Variants in SRGAP2 observed in about 807,000 individuals in gnomAD.
SRGAP2 encodes SLIT-ROBO Rho GTPase activating protein 2.
SRGAP2 carries 15 observed loss-of-function variants against 57.2 expected under a neutral mutation model. The observed-to-expected ratio is 0.26, with a 90% CI of 0.18 to 0.40. The LOEUF is 0.40. Ranked by LOEUF, SRGAP2 falls within the 10% of genes least tolerant of loss-of-function variation. The probability of loss-of-function intolerance (pLI) is 1.00; values close to 1 mark genes in which losing one functional copy is unlikely to be tolerated. For synonymous variants in SRGAP2, 249 were observed against 248.0 expected, an observed-to-expected ratio of 1.00 and a Z score of -0.04; for missense variants, 520 against 669.6, an observed-to-expected ratio of 0.78 and a Z score of 2.47.
intron 13 of SRGAP2, 57 bp downstream of exon 13, chr1:206,421,331 G>T (rs1660286472): frequency 1.4e-6 from 1 of 740,146 alleles, no homozygotes; most frequent in Non-Finnish European, 2.5e-6. Flanking sequence ...CCATCCCACA[G>T]GCATTTATTG....
intron 4 of SRGAP2, among the ~76,000 whole-genome samples, chr1:206,355,989 T>A (rs1676402871): frequency 6.7e-6 from 1 of 148,206 alleles, no homozygotes; most frequent in Non-Finnish European, 1.5e-5. Flanking sequence ...AATAAATAAA[T>A]AAAATAAAAA....
intron 2 of SRGAP2, among the ~76,000 whole-genome samples, chr1:206,213,601 A>T (rs1666450797): frequency 6.6e-6 from 1 of 151,734 alleles, no homozygotes; most frequent in Admixed American, 6.6e-5. Context: ...TTAGGAGTGG[A>T]CAAATGACAG....
chr1:206,354,157 CTT>C (rs1354881213), intron 4 of SRGAP2, among the ~76,000 whole-genome samples: 2 of 152,064 alleles, frequency 1.3e-5, no homozygotes, highest in African/African-American at 2.4e-5. Context: ...TGATTTTCCT[CTT>C]GACTTTTTTT....
chr1:206,310,921 G>A (rs1417142144), intron 3 of SRGAP2, among the ~76,000 whole-genome samples: 2 of 149,650 alleles, frequency 1.3e-5, no homozygotes, highest in South Asian at 4.4e-4. Flanking sequence ...TCTCTCTGAT[G>A]TCATAGTCTA....
At chr1:206,423,076 T>G (rs557808326) in intron 13 of SRGAP2, among the ~76,000 whole-genome samples, 210 of 152,342 alleles carry the variant, frequency 1.4e-3, no homozygotes, top group Non-Finnish European at 2.1e-3. Flanking sequence ...TTTTTGTTTT[T>G]GAGGGTCTTT....
intron 3 of SRGAP2, among the ~76,000 whole-genome samples, chr1:206,319,417 A>C (rs1358069271): frequency 4.6e-5 from 7 of 151,382 alleles, no homozygotes; most frequent in East Asian, 1.9e-4. Flanking sequence ...TCTCAAAAAA[A>C]AACAACAACA....
At position 206,309,707 on chromosome 1, in the gene SRGAP2, G is replaced by A. The variant is rs1317393244; in HGVS notation, c.260+6234G>A. On this transcript the variant is annotated intron_variant, in intron 3 of 22. Transcript: ENST00000573034. ...CTACTTTGAACGTTTTGGGTGTAGA[G>A]CAGTACGAGGCCATCAGGTATCCAG... Among the ~76,000 whole-genome samples, 9 of 151,930 alleles carry A rather than the reference G, an allele frequency of 5.9e-5. 1 individual carries two copies. Among genetic ancestry groups the A allele is most frequent in the African/African-American group, 1.9e-4 (8 of 41,286 alleles).
chr1:206,464,199 A>T lies in SRGAP2; in HGVS notation c.*2779A>T, dbSNP rs1487890862. 2.6e-5 allele frequency: 4 copies of T among 152,642 alleles called. No individual in the cohort carries two copies. The highest frequency in any genetic ancestry group is 9.6e-5 in the African/African-American group (4 of 41,452). The allele number at this position is 152,642 out of a possible 1,614,324, so 9.5% of individuals were successfully genotyped here. ...CAGAGCACTGGAAGGGCTGGTGCAG[A>T]TCTACTTCCCATGCAGAAGAGAAGT... is the stretch of plus-strand genomic sequence containing the variant. On this transcript the variant is annotated 3_prime_UTR_variant, in exon 23 of 23. Coordinates refer to ENST00000573034, the MANE Select transcript of SRGAP2 (RefSeq NM_015326.5).
At chr1:206,413,295 T>A (rs960790539) in intron 10 of SRGAP2, among the ~76,000 whole-genome samples, 4 of 152,228 alleles carry the variant, frequency 2.6e-5, no homozygotes, top group Non-Finnish European at 5.9e-5. Context: ...GCTTGCATTG[T>A]TGGCAATGGA....
intron 11 of SRGAP2, among the ~76,000 whole-genome samples, chr1:206,418,646 A>G (rs1553362956): frequency 6.6e-6 from 1 of 152,196 alleles, no homozygotes; most frequent in African/African-American, 2.4e-5. Context: ...CTTCTCATGA[A>G]CTTGAAGATT....
In SRGAP2 at chr1:206,205,699, G is replaced by A; in HGVS notation, c.-272G>A. On this transcript the variant is annotated 5_prime_UTR_variant, in exon 2 of 23. Coordinates refer to ENST00000573034, the MANE Select transcript of SRGAP2 (RefSeq NM_015326.5). ...GACCCCAGGCCAGCCTCCGGGCGCT[G>A]CAGTTCTCCCGGCTAATGCTGAGGC... 2.0e-6 allele frequency: 1 copy of A among 493,936 alleles called. No homozygotes were observed. Among genetic ancestry groups the A allele is most frequent in the East Asian group, 3.7e-5 (1 of 26,728 alleles). 30.6% of individuals were successfully genotyped at this position (493,936 alleles called of 1,614,324 possible). A position where few individuals can be genotyped will look rare whatever the true frequency, so the allele number is the denominator to read the frequency against.
Position 206,454,339 on chromosome 1 carries a change from A to G in SRGAP2, c.2361-539A>G. 1.6e-6 allele frequency: 1 copy of G among 627,164 alleles called. No homozygotes were observed. Among genetic ancestry groups the G allele is most frequent in the South Asian group, 1.9e-5 (1 of 53,586 alleles). The allele number at this position is 627,164 out of a possible 1,614,324, so 38.8% of individuals were successfully genotyped here. On this transcript the variant is annotated intron_variant, in intron 20 of 22. Coordinates refer to ENST00000573034, the MANE Select transcript of SRGAP2 (RefSeq NM_015326.5). This position sits in a 1 kb window ranked among gnomAD's most constrained non-coding sequence, Gnocchi z 4.3. ...TGGGGGAGAAGGGGCTTTCTTTGTCATCAGTAGCCAGAGGGGCCAGGAGAG... is the reference window on the plus strand; with the variant it reads ...TGGGGGAGAAGGGGCTTTCTTTGTCGTCAGTAGCCAGAGGGGCCAGGAGAG...
In SRGAP2 at chr1:206,454,663, A is replaced by G; in HGVS notation, c.2361-215A>G. The stretch of plus-strand genomic sequence containing the variant: ...CCTGAGGAGCTGAGGAGCCCGCAGA[A>G]CTCAGCGGATTATTTATTTTTATTT... On this transcript the variant is annotated intron_variant, in intron 20 of 22. Coordinates refer to ENST00000573034, the MANE Select transcript of SRGAP2 (RefSeq NM_015326.5). The surrounding 1 kb of genome is among the most constrained non-coding windows in gnomAD (Gnocchi z 4.3). 1.8e-6 allele frequency: 1 copy of G among 541,560 alleles called. No individual in the cohort carries two copies. The highest frequency in any genetic ancestry group is 3.2e-6 in the Non-Finnish European group (1 of 308,226). 33.5% of individuals were successfully genotyped at this position (541,560 alleles called of 1,614,324 possible). A position where few individuals can be genotyped will look rare whatever the true frequency, so the allele number is the denominator to read the frequency against.
At chr1:206,221,295 C>G (rs1454025303) in intron 2 of SRGAP2, among the ~76,000 whole-genome samples, 2 of 150,428 alleles carry the variant, frequency 1.3e-5, no homozygotes, top group African/African-American at 4.9e-5. Flanking sequence ...AAAAAAGTTT[C>G]TGCCTTCAAG....
intron 8 of SRGAP2, among the ~76,000 whole-genome samples, chr1:206,402,667 G>A (rs1658297490): frequency 6.6e-6 from 1 of 151,366 alleles, no homozygotes; most frequent in African/African-American, 2.4e-5. Context: ...CTCCCATGGA[G>A]GCAAGGTGAC....
chr1:206,277,836 C>T (rs1278923269), intron 2 of SRGAP2, among the ~76,000 whole-genome samples: 7 of 151,956 alleles, frequency 4.6e-5, no homozygotes, highest in South Asian at 2.1e-4. Context: ...AAAAATTAGC[C>T]GGCATGGTGG....
chr1:206,274,222 CAGG>C (rs2102665155), intron 2 of SRGAP2, among the ~76,000 whole-genome samples: 1 of 143,678 alleles, frequency 7.0e-6, no homozygotes, highest in African/African-American at 2.9e-5. Flanking sequence ...GAGGCTGAGA[CAGG>C]AGAATCGCTT....
At chr1:206,453,513 A>G (rs1663525465) in intron 20 of SRGAP2, 133 bp downstream of exon 20, 3 of 422,222 alleles carry the variant, frequency 7.1e-6, no homozygotes, top group Middle Eastern at 6.1e-4. Flanking sequence ...AGGCTCACAC[A>G]GTTCCTTGAA....
intron 3 of SRGAP2, among the ~76,000 whole-genome samples, chr1:206,326,980 G>T (rs1340218912): frequency 6.6e-6 from 1 of 151,880 alleles, no homozygotes; most frequent in Admixed American, 6.6e-5. Context: ...GTGAACCATG[G>T]TCATGCCCCT....
Sources: allele counts gnomAD v4.1 joint callset (sites outside exome capture counted in the v4.1 genomes callset), GRCh38; gene constraint gnomAD v4.1.1; non-coding constraint Gnocchi (gnomAD v3.1); transcripts MANE v1.5; gene names NCBI Gene and HGNC (gene_info 2026-07-23, HGNC 2026-07-21).